CARNS1: variants seen among roughly 807,000 people sequenced by gnomAD.
The protein encoded by CARNS1 is ATP-grasp domain containing 1.
In CARNS1, 61 loss-of-function variants were observed where a neutral mutation model predicts 74.0. The observed-to-expected ratio is 0.82, with a 90% CI of 0.67 to 1.02. CARNS1 has a LOEUF of 1.02. Among genes scored for constraint, CARNS1 ranks in the 50% least tolerant of loss-of-function variants. CARNS1 has a pLI of 0.00. For synonymous variants in CARNS1, 568 were observed against 605.5 expected, an observed-to-expected ratio of 0.94 and a Z score of 0.91; for missense variants, 1,278 against 1,308.4, an observed-to-expected ratio of 0.98 and a Z score of 0.36.
intron 4 of CARNS1, 109 bp downstream of exon 4, chr11:67,418,629 A>C (rs1590957639): frequency 7.0e-7 from 1 of 1,435,482 alleles, no homozygotes; most frequent in Non-Finnish European, 9.2e-7. Context: ...CCTGCATTCC[A>C]CCGGAGCAGC....
chr11:67,419,603 G>A lies in CARNS1; in HGVS notation c.969G>A (p.Glu323=). The A allele has an allele frequency of 3.7e-6, 6 of 1,604,202 alleles. No individual in the cohort carries two copies. The highest frequency in any genetic ancestry group is 1.1e-5 in the South Asian group (1 of 89,580). The change falls in exon 6 of 10, where the codon GAG becomes GAA. Residue 323 remains glutamate, a synonymous_variant. Coordinates refer to ENST00000687366, the MANE Select transcript of CARNS1 (RefSeq NM_001166222.2). ...DTVLALLEKL[E]EEESVLVEAV... is the part of the protein sequence containing the mutation. ...TGCTGGCGCTGCTGGAGAAGCTGGA[G>A]GAGGAGGAGAGTGTCCTGGTGGAGG...
intron 9 of CARNS1, among the ~76,000 whole-genome samples, chr11:67,422,824 CAG>C (rs1290545952): frequency 6.6e-6 from 1 of 152,232 alleles, no homozygotes; most frequent in Non-Finnish European, 1.5e-5. Context: ...TGTTACTTTG[CAG>C]AGAGCCACCC....
intron 3 of CARNS1, 63 bp downstream of exon 3, chr11:67,417,740 T>TGCTTGCTCATCCCTGTCA: frequency 8.7e-7 from 1 of 1,145,848 alleles, no homozygotes; most frequent in Non-Finnish European, 1.1e-6. Context: ...CAGCCCAGTC[T>TGCTTGCTCATCCCTGTCA]GCTTGCTCAT....
Position 67,423,647 on chromosome 11 carries a change from C to T in CARNS1, c.1899C>T (p.His633=), listed in dbSNP as rs754830846. Residue 633 remains histidine, a synonymous_variant, in exon 10 of 10, where the codon CAC becomes CAT. Coordinates refer to ENST00000687366, the MANE Select transcript of CARNS1 (RefSeq NM_001166222.2). This position sits in a 1 kb window ranked among gnomAD's most constrained non-coding sequence, Gnocchi z 5.1. ...LAKQKSLTQL[H]LLHHHGPPWP... is the part of the protein sequence containing the mutation. ...AGCAGAAGAGCCTCACCCAGCTGCA[C>T]CTGTTGCACCACCATGGCCCACCCT... is the stretch of plus-strand genomic sequence containing the variant. 3.9e-5 allele frequency: 63 copies of T among 1,607,276 alleles called. No homozygotes were observed. Among genetic ancestry groups the T allele is most frequent in the Non-Finnish European group, 5.2e-5 (61 of 1,178,154 alleles).
chr11:67,415,919 C>G (rs543473150), intron 1 of CARNS1, among the ~76,000 whole-genome samples, 156 bp downstream of exon 1: 33 of 152,090 alleles, frequency 2.2e-4, no homozygotes, highest in South Asian at 6.2e-4. Context: ...AACTCCCCCC[C>G]GCGCTGGAGG....
chr11:67,419,682 C>T, intron 6 of CARNS1, 21 bp downstream of exon 6: 1 of 1,588,588 alleles, frequency 6.3e-7, no homozygotes, highest in Non-Finnish European at 8.6e-7. Flanking sequence ...CCTGGGCTGA[C>T]CAGGGATGGG....
At chr11:67,418,068 A>G (rs1392692703) in intron 3 of CARNS1, among the ~76,000 whole-genome samples, 1 of 152,180 alleles carries the variant, frequency 6.6e-6, no homozygotes, top group Non-Finnish European at 1.5e-5. Flanking sequence ...TTGTGTGGAC[A>G]GAGGGTTCAC....
intron 5 of CARNS1, 64 bp downstream of exon 5, chr11:67,419,307 T>C: frequency 6.8e-7 from 1 of 1,467,064 alleles, no homozygotes; most frequent in South Asian, 1.4e-5. Flanking sequence ...CCAGGCACGG[T>C]TACCAAGTCT....
At position 67,424,269 on chromosome 11, in the gene CARNS1, G is replaced by T; in HGVS notation, c.2521G>T (p.Val841Leu). The T allele has an allele frequency of 6.2e-7, 1 of 1,613,372 alleles. No individual in the cohort carries two copies. The highest frequency in any genetic ancestry group is 8.5e-7 in the Non-Finnish European group (1 of 1,179,862). ...GVDLLLAAVM[V>L]ACGLRPALPT... ...TGACCTGCTGCTGGCTGCTGTTATGGTGGCCTGTGGCTTGCGTCCTGCCCT... is the reference window on the plus strand; with the variant it reads ...TGACCTGCTGCTGGCTGCTGTTATGTTGGCCTGTGGCTTGCGTCCTGCCCT... The change falls in exon 10 of 10, where the codon GTG (valine) becomes TTG (leucine). Residue 841 changes from valine (V) to leucine (L), a missense_variant. Coordinates refer to ENST00000687366, the MANE Select transcript of CARNS1 (RefSeq NM_001166222.2).
chr11:67,417,066 G>A, intron 2 of CARNS1: 1 of 1,067,562 alleles, frequency 9.4e-7, no homozygotes, highest in Non-Finnish European at 1.1e-6. Flanking sequence ...TTTAGGTGCT[G>A]GGGTTGCCTC....
intron 2 of CARNS1, chr11:67,417,012 A>T (rs1863560521): frequency 1.0e-6 from 1 of 1,004,726 alleles, no homozygotes; most frequent in African/African-American, 1.7e-5. Context: ...TCTACTCTTC[A>T]GTCAACAAAC....
At position 67,417,389 on chromosome 11, in the gene CARNS1, C is replaced by A; in HGVS notation, c.4-18C>A. 1 of 1,326,634 alleles carries A rather than the reference C, an allele frequency of 7.5e-7. No individual in the cohort carries two copies. Among genetic ancestry groups the A allele is most frequent in the South Asian group, 2.0e-5 (1 of 51,228 alleles). The allele number at this position is 1,326,634 out of a possible 1,614,324, so 82.2% of individuals were successfully genotyped here. A position where few individuals can be genotyped will look rare whatever the true frequency, so the allele number is the denominator to read the frequency against. On this transcript the variant is annotated intron_variant, in intron 2 of 9. Transcript: ENST00000687366. ...ACTGGCCCACCCTGCCCAAGACCTA[C>A]CACTTCTGCCCTCTCAGCTCTCCCT... is the stretch of plus-strand genomic sequence containing the variant.
At chr11:67,417,245 C>T in intron 2 of CARNS1, 162 bp from the exon 3 acceptor site, 1 of 1,236,248 alleles carries the variant, frequency 8.1e-7, no homozygotes, top group Non-Finnish European at 1.0e-6. Context: ...TTCCCATTAA[C>T]AAGCCTTCGC....
At position 67,424,637 on chromosome 11, in the gene CARNS1, G is replaced by C. The variant is rs771211399; in HGVS notation, c.*36G>C. On this transcript the variant is annotated 3_prime_UTR_variant, in exon 10 of 10. Coordinates refer to ENST00000687366, the MANE Select transcript of CARNS1 (RefSeq NM_001166222.2). ...AGGGGGCAGGGAAGCAGTGCTGGGT[G>C]GAGGCACTGTGGTGCCCTCTGCTCC... The C allele has an allele frequency of 3.8e-6, 6 of 1,563,492 alleles. No individual in the cohort carries two copies. The Admixed American group carries it at 1.1e-4, about 28-fold the overall frequency.
chr11:67,418,427 C>A lies in CARNS1; in HGVS notation c.275-4C>A. The A allele has an allele frequency of 6.9e-7, 1 of 1,445,200 alleles. No individual in the cohort carries two copies. The highest frequency in any genetic ancestry group is 2.9e-5 in the Admixed American group (1 of 34,960). The allele number at this position is 1,445,200 out of a possible 1,614,324, so 89.5% of individuals were successfully genotyped here. ...GTGAGCTGGGCCATGTTCTCTTTCC[C>A]GAGGCTGTCCTGGGGCGGAGGTGAC... On this transcript the variant is annotated splice_polypyrimidine_tract_variant and splice_region_variant and intron_variant, in intron 3 of 9. Transcript: ENST00000687366.
rs1863796337 is a variant in CARNS1, at chr11:67,424,890, C to CACACACACA, written c.*291_*292insACACACAAC. ...ACACACACACACACACACACACACA[C>CACACACACA]ACCTCTGACGCCAGCTCCCCAGGTG... On this transcript the variant is annotated 3_prime_UTR_variant, in exon 10 of 10. Coordinates refer to ENST00000687366, the MANE Select transcript of CARNS1 (RefSeq NM_001166222.2). 1 of 623,996 alleles carries CACACACACA rather than the reference C, an allele frequency of 1.6e-6. No homozygotes were observed. The highest frequency in any genetic ancestry group is 3.0e-6 in the Non-Finnish European group (1 of 335,968). The allele number at this position is 623,996 out of a possible 1,614,324, so 38.7% of individuals were successfully genotyped here.
At position 67,418,524 on chromosome 11, in the gene CARNS1, A is replaced by G; in HGVS notation, c.364+4A>G. 6.5e-7 allele frequency: 1 copy of G among 1,527,276 alleles called. No individual in the cohort carries two copies. The highest frequency in any genetic ancestry group is 8.8e-7 in the Non-Finnish European group (1 of 1,141,222). 94.6% of individuals were successfully genotyped at this position (1,527,276 alleles called of 1,614,324 possible). ...GAGGGTGGGGTCCAGAGCCCGGGTGAGTGTATGCTCAAGTTTCCCCATCCC... is the reference window on the plus strand; with the variant it reads ...GAGGGTGGGGTCCAGAGCCCGGGTGGGTGTATGCTCAAGTTTCCCCATCCC... On this transcript the variant is annotated splice_donor_region_variant and intron_variant, in intron 4 of 9. Transcript: ENST00000687366.
intron 9 of CARNS1, 124 bp downstream of exon 9, chr11:67,421,343 T>C (rs1274341445): frequency 1.8e-6 from 2 of 1,127,900 alleles, no homozygotes; most frequent in African/African-American, 3.3e-5. Context: ...CTAGAGGCGG[T>C]GCTTGGGCGG....
In CARNS1 at chr11:67,419,052, G is replaced by A. The variant is rs1554987366; in HGVS notation, c.661G>A (p.Ala221Thr). Reference sequence around the variant, plus strand: ...CCGGCTGCTGACAAGGCAGTTGCTGGCCCAGCAGGGTGGTGTGGCTGTGCC... The same window carrying A: ...CCGGCTGCTGACAAGGCAGTTGCTGACCCAGCAGGGTGGTGTGGCTGTGCC... ...EDRLLTRQLL[A>T]QQGGVAVPAT... Residue 221 changes from alanine (A) to threonine (T), a missense_variant, in exon 5 of 10, where the codon GCC becomes ACC. Ala to Thr is a moderately conservative substitution (Grantham distance 58, BLOSUM62 0). Around this residue, in one of 3 missense-constraint regions of CARNS1, gnomAD observed 1,164 missense variants for 1,156.5 expected, o/e 1.01. Transcript: ENST00000687366. The A allele has an allele frequency of 1.9e-6, 3 of 1,557,512 alleles. No homozygotes were observed. The highest frequency in any genetic ancestry group is 2.6e-6 in the Non-Finnish European group (3 of 1,151,874).
Sources: gnomAD v4.1 joint callset for allele counts (sites outside exome capture counted in the v4.1 genomes callset) on GRCh38, gnomAD v4.1.1 for gene constraint, gnomAD v4.1.1 regional missense constraint, Gnocchi (gnomAD v3.1) non-coding constraint, MANE v1.5 for transcripts, NCBI Gene and HGNC (gene_info 2026-07-23, HGNC 2026-07-21) for gene names.